The following ANKRD30B variants were observed in gnomAD, a reference collection of about 807,000 sequenced individuals.
The protein encoded by ANKRD30B is ankyrin repeat domain-containing protein 30B.
ANKRD30B carries 144 observed loss-of-function variants against 202.2 expected under a neutral mutation model. The observed-to-expected ratio is 0.71, with a 90% CI of 0.62 to 0.82. The LOEUF (loss-of-function observed/expected upper bound fraction) is 0.82, where lower values mean the gene tolerates loss of function less well. Among genes scored for constraint, ANKRD30B ranks in the 40% least tolerant of loss-of-function variants. The probability of loss-of-function intolerance (pLI) is 0.00; values close to 1 mark genes in which losing one functional copy is unlikely to be tolerated. For synonymous variants in ANKRD30B, 508 were observed against 561.3 expected (o/e 0.91, Z 1.34); for missense variants, 1,487 against 1,669.1 (o/e 0.89, Z 1.90).
At position 14,852,435 on chromosome 18, in the gene ANKRD30B, A is replaced by T. The variant is rs1225373526; in HGVS notation, c.4476+15A>T. 2.0e-6 allele frequency: 3 copies of T among 1,510,410 alleles called. No individual in the cohort carries two copies. In the East Asian group the frequency reaches 7.4e-5, roughly 37 times the overall value. The allele number at this position is 1,510,410 out of a possible 1,614,324, so 93.6% of individuals were successfully genotyped here. A position where few individuals can be genotyped will look rare whatever the true frequency, so the allele number is the denominator to read the frequency against. ...CAGAAAGAGAAGTAAGTATCAAAAA[A>T]TATAAATACTTTTCAAACTTCCTGA... On this transcript the variant is annotated intron_variant, in intron 42 of 43. Transcript: ENST00000690538.
intron 41 of ANKRD30B, 58 bp from the exon 42 acceptor site, chr18:14,851,451 G>T (rs1027008940): frequency 3.3e-5 from 47 of 1,441,204 alleles, no homozygotes; most frequent in Non-Finnish European, 4.0e-5. Flanking sequence ...AATTTCAGAG[G>T]AACTATGATA....
At chr18:14,914,566 C>T in the ANKRD30B span, among the ~76,000 whole-genome samples, 1 of 152,066 alleles carries the variant, frequency 6.6e-6, no homozygotes, top group South Asian at 2.1e-4. Context: ...GCTGTTTGGG[C>T]AAGAATTGTG....
chr18:14,853,645 CA>C (rs1333234620), intron 42 of ANKRD30B, among the ~76,000 whole-genome samples, 163 bp from the exon 43 acceptor site: 1 of 151,720 alleles, frequency 6.6e-6, no homozygotes, highest in East Asian at 1.9e-4. Context: ...ACCAATTTGG[CA>C]GAAAGATTAC....
chr18:14,924,580 C>T, the ANKRD30B span, among the ~76,000 whole-genome samples: 1 of 152,206 alleles, frequency 6.6e-6, no homozygotes, highest in East Asian at 1.9e-4. Flanking sequence ...GTGAGAGATA[C>T]AGCAGAGCCG....
the ANKRD30B span, among the ~76,000 whole-genome samples, chr18:14,921,415 A>G: frequency 6.6e-6 from 1 of 151,878 alleles, no homozygotes. Context: ...GCGTGTTTAG[A>G]TATAATTGCC....
At chr18:14,765,436 C>A (rs1250855179) in intron 7 of ANKRD30B, among the ~76,000 whole-genome samples, 1 of 150,378 alleles carries the variant, frequency 6.6e-6, no homozygotes, top group Non-Finnish European at 1.5e-5. Context: ...GCACTCCAGC[C>A]TGGGTGACAG....
At chr18:14,871,250 A>G in the ANKRD30B span, among the ~76,000 whole-genome samples, 1 of 75,590 alleles carries the variant, frequency 1.3e-5, no homozygotes, top group Non-Finnish European at 2.3e-5. Flanking sequence ...CTACTGGGTG[A>G]GCAGCTTCCC....
At position 14,752,072 on chromosome 18, in the gene ANKRD30B, C is replaced by T. The variant is rs187635362; in HGVS notation, c.222-494C>T. On this transcript the variant is annotated intron_variant, in intron 1 of 43. Coordinates refer to ENST00000690538, the MANE Select transcript of ANKRD30B (RefSeq NM_001367607.2). ...TATCTCTAACCTTTAAAACACACCA[C>T]GAAGTAGGCATAATTGCACCATTTT... Among the ~76,000 whole-genome samples the T allele has an allele frequency of 1.1e-3, 161 of 152,224 alleles. 1 individual carries two copies. Among genetic ancestry groups the T allele is most frequent in the African/African-American group, 1.2e-3 (49 of 41,558 alleles).
Position 14,780,029 on chromosome 18 carries a change from G to T in ANKRD30B, c.1482+8G>T, listed in dbSNP as rs1967622755. ...TATTCTTGGGATTCTGGGGTATTGT[G>T]TATTATTGCTGTTATTATTCTCTAA... On this transcript the variant is annotated splice_region_variant and intron_variant, in intron 11 of 43. Coordinates refer to ENST00000690538, the MANE Select transcript of ANKRD30B (RefSeq NM_001367607.2). The T allele has an allele frequency of 1.3e-6, 2 of 1,595,746 alleles. No homozygotes were observed. Among genetic ancestry groups the T allele is most frequent in the East Asian group, 2.2e-5 (1 of 44,492 alleles).
chr18:14,764,638 T>G (rs10468699), intron 7 of ANKRD30B, among the ~76,000 whole-genome samples: 11,305 of 152,142 alleles, frequency 0.074, 1,426 homozygotes, highest in African/African-American at 0.26. Context: ...TAGCCCCGCC[T>G]TGGCCTCCAA....
intron 8 of ANKRD30B, among the ~76,000 whole-genome samples, chr18:14,770,981 T>TCC (rs1449328783): frequency 6.6e-6 from 1 of 152,104 alleles, no homozygotes; most frequent in East Asian, 1.9e-4. Flanking sequence ...AGATGTCCCC[T>TCC]CCCCTTTGTC....
chr18:14,898,399 A>G, the ANKRD30B span, among the ~76,000 whole-genome samples: 3 of 152,014 alleles, frequency 2.0e-5, no homozygotes, highest in South Asian at 2.1e-4. Flanking sequence ...CAGTTTCACA[A>G]TAGGGTTCAC....
At chr18:14,773,853 A>C (rs1245348315) in intron 9 of ANKRD30B, among the ~76,000 whole-genome samples, 1 of 152,026 alleles carries the variant, frequency 6.6e-6, no homozygotes, top group African/African-American at 2.4e-5. Context: ...ACAGGGTTTC[A>C]CCATGTTGGC....
chr18:14,808,392 C>T (rs774038066), intron 24 of ANKRD30B, 159 bp from the exon 25 acceptor site: 3 of 746,356 alleles, frequency 4.0e-6, no homozygotes, highest in Non-Finnish European at 7.1e-6. Context: ...GTCCCATTGG[C>T]ATGTTAACAA....
intron 22 of ANKRD30B, among the ~76,000 whole-genome samples, chr18:14,800,470 G>A (rs887124656): frequency 2.0e-5 from 3 of 150,536 alleles, no homozygotes; most frequent in African/African-American, 7.4e-5. Flanking sequence ...GAATCCAGAC[G>A]CCTACCACAA....
chr18:14,831,636 TTTTG>T (rs1317144325), intron 34 of ANKRD30B, among the ~76,000 whole-genome samples, 181 bp downstream of exon 34: 5 of 152,190 alleles, frequency 3.3e-5, no homozygotes, highest in East Asian at 1.9e-4. Flanking sequence ...TTTTTTGTTT[TTTTG>T]TTTGTTTGTT....
At chr18:14,870,538 C>A in the ANKRD30B span, among the ~76,000 whole-genome samples, 2 of 152,168 alleles carry the variant, frequency 1.3e-5, no homozygotes, top group African/African-American at 4.8e-5. Context: ...ACACTTCCCA[C>A]AGGCGTTTGG....
intron 1 of ANKRD30B, among the ~76,000 whole-genome samples, chr18:14,749,400 G>C (rs1439533630): frequency 6.6e-6 from 1 of 152,166 alleles, no homozygotes; most frequent in Non-Finnish European, 1.5e-5. Flanking sequence ...GGCCAGGAGC[G>C]GTGGCTCACG....
rs147327572 is a variant in ANKRD30B at position 14,804,826 on chromosome 18, T to G, written c.2284+1002T>G. On this transcript the variant is annotated intron_variant, in intron 24 of 43. Coordinates refer to ENST00000690538, the MANE Select transcript of ANKRD30B (RefSeq NM_001367607.2). ...CAAGAACACAAGTCTAGTGATTACTTTTGCTAAAGAAGAGAGATTATGAGG... is the reference window on the plus strand; with the variant it reads ...CAAGAACACAAGTCTAGTGATTACTGTTGCTAAAGAAGAGAGATTATGAGG... 1.1e-3 allele frequency among the ~76,000 whole-genome samples: 162 copies of G among 150,922 alleles called. 6 individuals are homozygous for G. Among genetic ancestry groups the G allele is most frequent in the Non-Finnish European group, 1.5e-3 (102 of 67,732 alleles).
Sources: allele counts gnomAD v4.1 joint callset (sites outside exome capture counted in the v4.1 genomes callset), GRCh38; gene constraint gnomAD v4.1.1; transcripts MANE v1.5; gene names NCBI Gene and HGNC (gene_info 2026-07-23, HGNC 2026-07-21).